PTPRD: variants seen among roughly 807,000 people sequenced by gnomAD.
The protein encoded by PTPRD is protein tyrosine phosphatase receptor type D.
In PTPRD, 34 loss-of-function variants were observed where a neutral mutation model predicts 214.5. That is an observed-to-expected ratio of 0.16 (90% CI 0.12 to 0.21). PTPRD has a LOEUF of 0.21. PTPRD is among the 10% of genes least tolerant of loss of function. The pLI is 1.00. For missense variants in PTPRD, 2,545 were observed against 2,398.7 expected (o/e 1.06, Z -1.27); for synonymous variants, 1,128 against 845.7 (o/e 1.33, Z -5.79).
At chr9:8,561,811 G>C (rs12349326) in intron 14 of PTPRD, among the ~76,000 whole-genome samples, 2 of 151,046 alleles carry the variant, frequency 1.3e-5, no homozygotes, top group African/African-American at 4.9e-5. Flanking sequence ...TAAGGGTAAC[G>C]GTTGAGATGT....
intron 11 of PTPRD, among the ~76,000 whole-genome samples, chr9:8,803,561 C>T (rs554354790): frequency 4.6e-5 from 7 of 151,850 alleles, no homozygotes; most frequent in South Asian, 2.1e-4. Flanking sequence ...AGTGAAACCC[C>T]GGTTCTACAA....
intron 5 of PTPRD, among the ~76,000 whole-genome samples, chr9:9,845,746 A>G (rs533338982): frequency 6.6e-6 from 1 of 152,216 alleles, no homozygotes; most frequent in Non-Finnish European, 1.5e-5. Flanking sequence ...GAGAAAATCT[A>G]AAATGCTAAG....
intron 10 of PTPRD, among the ~76,000 whole-genome samples, chr9:9,088,581 G>GAAAAAAAAAAAAAAAAAAAAAAAAA (rs533619970): frequency 3.0e-5 from 1 of 33,036 alleles, no homozygotes. Flanking sequence ...CTTAGTCTCA[G>GAAAAAAAAAAAAAAAAAAAAAAAAA]AAAAAAAAAA....
intron 11 of PTPRD, among the ~76,000 whole-genome samples, chr9:8,804,479 T>G (rs1368438235): frequency 6.6e-6 from 1 of 151,650 alleles, no homozygotes; most frequent in African/African-American, 2.4e-5. Context: ...ATGCCTGTGG[T>G]CCCAATTACC....
In PTPRD at chr9:10,564,445, G is replaced by GAA. The variant is rs570678959; in HGVS notation, c.-600+47951_-600+47952dup. ...AAGGAACTAAGAAGGTTGATTAAAAGAAAAAAAAAAAAGAAATTTTCTGCT... is the reference window on the plus strand; with the variant it reads ...AAGGAACTAAGAAGGTTGATTAAAAGAAAAAAAAAAAAAAGAAATTTTCTGCT... On this transcript the variant is annotated intron_variant, in intron 2 of 45. Coordinates refer to ENST00000381196, the MANE Select transcript of PTPRD (RefSeq NM_002839.4). Among the ~76,000 whole-genome samples the GAA allele has an allele frequency of 1.4e-3, 197 of 139,866 alleles. 2 individuals carry two copies. Among genetic ancestry groups the GAA allele is most frequent in the Middle Eastern group, 7.2e-3 (2 of 276 alleles). The allele number at this position is 139,866 out of a possible 152,430, so 91.8% of individuals were successfully genotyped here. A position where few individuals can be genotyped will look rare whatever the true frequency, so the allele number is the denominator to read the frequency against.
At chr9:8,437,055 GCA>G (rs1156967020) in intron 34 of PTPRD, 2 of 646,584 alleles carry the variant, frequency 3.1e-6, no homozygotes, top group Non-Finnish European at 5.2e-6. Flanking sequence ...TCCTTCTCCT[GCA>G]CTGTGTGAAA....
At chr9:8,937,555 A>C (rs2099006052) in intron 11 of PTPRD, among the ~76,000 whole-genome samples, 1 of 152,144 alleles carries the variant, frequency 6.6e-6, no homozygotes, top group African/African-American at 2.4e-5. Flanking sequence ...CATTTTAGCA[A>C]TCTTAGTCCC....
chr9:8,936,395 C>G (rs1465738412), intron 11 of PTPRD, among the ~76,000 whole-genome samples: 4 of 113,760 alleles, frequency 3.5e-5, no homozygotes, highest in Non-Finnish European at 6.6e-5. Context: ...CCACTGCACT[C>G]CAGCCTAGGC....
chr9:10,263,314 G>T (rs2093820332), intron 3 of PTPRD, among the ~76,000 whole-genome samples: 1 of 152,110 alleles, frequency 6.6e-6, no homozygotes, highest in Non-Finnish European at 1.5e-5. Flanking sequence ...AGGAGTATGT[G>T]GGAAAGTTTG....
intron 3 of PTPRD, among the ~76,000 whole-genome samples, chr9:10,099,485 A>C (rs756517947): frequency 6.6e-6 from 1 of 151,818 alleles, no homozygotes; most frequent in Non-Finnish European, 1.5e-5. Flanking sequence ...GCATATAGTA[A>C]ATACAATTTA....
chr9:8,619,919 G>C (rs114759658), intron 14 of PTPRD, among the ~76,000 whole-genome samples: 239 of 152,132 alleles, frequency 1.6e-3, no homozygotes, highest in African/African-American at 5.5e-3. Flanking sequence ...TTTAGAGTCA[G>C]AAAATCTGGT....
chr9:10,567,181 C>G (rs1193692353), intron 2 of PTPRD, among the ~76,000 whole-genome samples: 3 of 151,966 alleles, frequency 2.0e-5, no homozygotes, highest in Non-Finnish European at 4.4e-5. Context: ...ACTAAGTAAT[C>G]TTTATATTTC....
At chr9:8,614,808 A>C (rs2095557691) in intron 14 of PTPRD, among the ~76,000 whole-genome samples, 1 of 152,162 alleles carries the variant, frequency 6.6e-6, no homozygotes, top group Non-Finnish European at 1.5e-5. Context: ...AGTCTACGAC[A>C]GAGTTGGACA....
At chr9:8,822,963 A>G (rs2097101630) in intron 11 of PTPRD, among the ~76,000 whole-genome samples, 1 of 152,070 alleles carries the variant, frequency 6.6e-6, no homozygotes, top group Non-Finnish European at 1.5e-5. Context: ...CGAAAATAAC[A>G]TTTCTGGTCA....
At chr9:9,584,946 C>T (rs981467723) in intron 7 of PTPRD, among the ~76,000 whole-genome samples, 3 of 151,926 alleles carry the variant, frequency 2.0e-5, no homozygotes, top group African/African-American at 7.2e-5. Flanking sequence ...CTTTATTGCA[C>T]AACCACAAGG....
At chr9:10,033,541 G>A (rs1018220796) in intron 4 of PTPRD, among the ~76,000 whole-genome samples, 177 bp downstream of exon 4, 1 of 151,724 alleles carries the variant, frequency 6.6e-6, no homozygotes, top group African/African-American at 2.4e-5. Context: ...TATTACTAGA[G>A]TAATTAAAAA....
intron 14 of PTPRD, among the ~76,000 whole-genome samples, chr9:8,606,780 C>T (rs1426921097): frequency 6.6e-6 from 1 of 152,218 alleles, no homozygotes; most frequent in African/African-American, 2.4e-5. Flanking sequence ...CTCTCACCTC[C>T]TTAGTTGCCA....
intron 10 of PTPRD, among the ~76,000 whole-genome samples, chr9:9,086,028 C>G (rs1302490176): frequency 6.6e-6 from 1 of 152,136 alleles, no homozygotes; most frequent in Admixed American, 6.6e-5. Flanking sequence ...ATATAATTTA[C>G]TGATATATAG....
At chr9:10,545,987 A>G (rs2060090935) in intron 2 of PTPRD, among the ~76,000 whole-genome samples, 1 of 152,142 alleles carries the variant, frequency 6.6e-6, no homozygotes, top group African/African-American at 2.4e-5. Flanking sequence ...CGACTATATA[A>G]GAAGTAGTGC....
Sources: allele counts gnomAD v4.1 joint callset (sites outside exome capture counted in the v4.1 genomes callset), GRCh38; gene constraint gnomAD v4.1.1; transcripts MANE v1.5; gene names NCBI Gene and HGNC (gene_info 2026-07-23, HGNC 2026-07-21).